The following NXPE2 variants were observed in gnomAD, a reference collection of about 807,000 sequenced individuals.
The protein encoded by NXPE2 is neurexophilin and PC-esterase domain family member 2.
Under a neutral mutation model 34.4 loss-of-function variants are expected in NXPE2, and 34 were observed. That is an observed-to-expected ratio of 0.99 (90% CI 0.75 to 1.31). NXPE2 has a LOEUF of 1.31. NXPE2 is among the 40% of genes most tolerant of loss of function. The pLI is 0.00. For synonymous variants in NXPE2, 235 were observed against 231.3 expected (o/e 1.02, Z -0.15); for missense variants, 649 against 672.5 (o/e 0.97, Z 0.39).
the NXPE2 span, among the ~76,000 whole-genome samples, chr11:114,638,632 A>G: frequency 1.3e-5 from 2 of 151,842 alleles, 1 homozygote; most frequent in Non-Finnish European, 2.9e-5. Context: ...TGATGTACAG[A>G]TAGGTTTTTG....
At chr11:114,642,623 A>G in the NXPE2 span, among the ~76,000 whole-genome samples, 1 of 152,082 alleles carries the variant, frequency 6.6e-6, no homozygotes, top group Non-Finnish European at 1.5e-5. Flanking sequence ...ATGGTATTCC[A>G]TGGTGTACAT....
the NXPE2 span, among the ~76,000 whole-genome samples, chr11:114,637,775 A>T: frequency 1.3e-5 from 2 of 151,866 alleles, no homozygotes; most frequent in Non-Finnish European, 2.9e-5. Context: ...TCTCTTTAAG[A>T]ATGTTGAATA....
the NXPE2 span, among the ~76,000 whole-genome samples, chr11:114,489,028 T>C: frequency 6.6e-6 from 1 of 152,202 alleles, no homozygotes; most frequent in African/African-American, 2.4e-5. Flanking sequence ...AAAGGGGATA[T>C]GACCACTGAT....
chr11:114,594,819 A>G, the NXPE2 span: 2 of 942,138 alleles, frequency 2.1e-6, no homozygotes, highest in Non-Finnish European at 3.3e-6. Flanking sequence ...ACAAAACAGA[A>G]AAGCAAACAA....
chr11:114,497,406 C>T, the NXPE2 span, among the ~76,000 whole-genome samples: 2 of 152,220 alleles, frequency 1.3e-5, no homozygotes, highest in African/African-American at 4.8e-5. Context: ...GTCAGAGCAA[C>T]TTCCAGTCCT....
the NXPE2 span, among the ~76,000 whole-genome samples, chr11:114,496,598 A>G: frequency 3.3e-5 from 5 of 151,922 alleles, no homozygotes; most frequent in Non-Finnish European, 5.9e-5. Context: ...CCTCCTCAAC[A>G]TTTTGTTTTG....
chr11:114,473,923 A>C, the NXPE2 span, among the ~76,000 whole-genome samples: 1 of 152,102 alleles, frequency 6.6e-6, no homozygotes, highest in Non-Finnish European at 1.5e-5. Context: ...TGATGACTTA[A>C]ATGTGTGTTT....
the NXPE2 span, among the ~76,000 whole-genome samples, chr11:114,473,663 G>A: frequency 6.6e-6 from 1 of 152,194 alleles, no homozygotes; most frequent in Non-Finnish European, 1.5e-5. Flanking sequence ...TTCATTGGAA[G>A]AAATGTTAGA....
the NXPE2 span, among the ~76,000 whole-genome samples, chr11:114,629,406 C>A: frequency 4.6e-5 from 7 of 151,864 alleles, no homozygotes; most frequent in South Asian, 1.0e-3. Context: ...ATAAACAGAA[C>A]CAAAGACAAA....
chr11:114,721,284 G>C, the NXPE2 span, among the ~76,000 whole-genome samples: 1 of 148,586 alleles, frequency 6.7e-6, no homozygotes, highest in African/African-American at 2.5e-5. Flanking sequence ...AGACTCTGCT[G>C]TTCTGTGTGC....
chr11:114,683,563 G>A (rs1950986672), intron 2 of NXPE2, among the ~76,000 whole-genome samples: 1 of 151,994 alleles, frequency 6.6e-6, no homozygotes, highest in South Asian at 2.1e-4. Flanking sequence ...TGGGATTACA[G>A]GCGCGTGCCA....
the NXPE2 span, among the ~76,000 whole-genome samples, chr11:114,624,569 GT>G: frequency 1.1e-4 from 16 of 151,536 alleles, no homozygotes; most frequent in East Asian, 3.1e-3. Context: ...GTATTGCCCC[GT>G]GGGTAACCAC....
At chr11:114,472,962 T>A in the NXPE2 span, among the ~76,000 whole-genome samples, 1 of 152,320 alleles carries the variant, frequency 6.6e-6, no homozygotes, top group African/African-American at 2.4e-5. Context: ...TTTGAGCAAG[T>A]GATTTTCAAG....
chr11:114,558,343 C>T, the NXPE2 span, among the ~76,000 whole-genome samples: 4 of 152,030 alleles, frequency 2.6e-5, no homozygotes, highest in Non-Finnish European at 5.9e-5. Flanking sequence ...TATAGGCACA[C>T]ATAGAGAACA....
the NXPE2 span, among the ~76,000 whole-genome samples, chr11:114,725,231 G>T: frequency 6.6e-6 from 1 of 151,982 alleles, no homozygotes; most frequent in African/African-American, 2.4e-5. Flanking sequence ...ACATTAGCAC[G>T]TATCAGTATC....
the NXPE2 span, among the ~76,000 whole-genome samples, chr11:114,464,383 C>T: frequency 5.3e-5 from 8 of 152,160 alleles, no homozygotes; most frequent in Non-Finnish European, 2.9e-5. Flanking sequence ...AAAATCATTA[C>T]TGACCATCCT....
the NXPE2 span, among the ~76,000 whole-genome samples, chr11:114,777,544 G>A: frequency 6.6e-6 from 1 of 152,190 alleles, no homozygotes; most frequent in Admixed American, 6.5e-5. Flanking sequence ...GAGTGTTGAA[G>A]ACAGATTGTA....
the NXPE2 span, among the ~76,000 whole-genome samples, chr11:114,599,262 A>G: frequency 6.6e-6 from 1 of 152,116 alleles, no homozygotes; most frequent in South Asian, 2.1e-4. Flanking sequence ...CTTTACTCCG[A>G]TTCCCAGTAA....
chr11:114,471,873 A>G, the NXPE2 span, among the ~76,000 whole-genome samples: 1 of 152,246 alleles, frequency 6.6e-6, no homozygotes, highest in Non-Finnish European at 1.5e-5. Context: ...AAAAAATAGA[A>G]TAAAAGCAAA....
Sources: allele counts gnomAD v4.1 joint callset (sites outside exome capture counted in the v4.1 genomes callset), GRCh38; gene constraint gnomAD v4.1.1; transcripts MANE v1.5; gene names NCBI Gene and HGNC (gene_info 2026-07-23, HGNC 2026-07-21).